Variants in COL5A1 observed in about 807,000 individuals in gnomAD.
COL5A1 encodes collagen alpha-1(V) chain.
Under a neutral mutation model 263.7 loss-of-function variants are expected in COL5A1, and 16 were observed. The observed-to-expected ratio is 0.06, with a 90% CI of 0.04 to 0.09. COL5A1 has a LOEUF of 0.09. Ranked by LOEUF, COL5A1 falls within the 10% of genes least tolerant of loss-of-function variation. The pLI, the probability that COL5A1 is intolerant of heterozygous loss-of-function variation, is 1.00. For synonymous variants in COL5A1, 1,012 were observed against 1,004.5 expected, an observed-to-expected ratio of 1.01 and a Z score of -0.14; for missense variants, 2,036 against 2,540.5, an observed-to-expected ratio of 0.80 and a Z score of 4.27.
At chr9:134,792,791 GTGTGCATGTGTGCGTGCA>G (rs796824652) in intron 32 of COL5A1, among the ~76,000 whole-genome samples, 7,200 of 151,780 alleles carry the variant, frequency 0.047, 240 homozygotes, top group African/African-American at 0.099. Context: ...ACATATGTGT[GTGTGCATGTGTGCGTGCA>G]TGTGTGTGCA....
chr9:134,729,074 C>T (rs1266264560), intron 6 of COL5A1, among the ~76,000 whole-genome samples: 2 of 152,210 alleles, frequency 1.3e-5, no homozygotes, highest in African/African-American at 2.4e-5. Context: ...TGGCCCCGGT[C>T]CCCACCCTGT....
At position 134,701,277 on chromosome 9, in the gene COL5A1, G is replaced by A. The variant is rs142890619; in HGVS notation, c.598G>A (p.Asp200Asn). 928 of 1,613,938 alleles carry A rather than the reference G, an allele frequency of 5.7e-4. No homozygotes were observed. Among genetic ancestry groups the A allele is most frequent in the Non-Finnish European group, 7.3e-4 (861 of 1,180,012 alleles). ...FLDRSDHPMI[D>N]INGIIVFGTR... is the part of the protein sequence containing the mutation. ...CGACCGCAGCGACCACCCCATGATCGACATCAATGGCATCATCGTGTTTGG... is the reference window on the plus strand; with the variant it reads ...CGACCGCAGCGACCACCCCATGATCAACATCAATGGCATCATCGTGTTTGG... Residue 200 changes from aspartate (D) to asparagine (N), a missense_variant, in exon 4 of 66, where the codon GAC becomes AAC. Coordinates refer to ENST00000371817, the MANE Select transcript of COL5A1 (RefSeq NM_000093.5).
At chr9:134,646,960 T>C (rs1012665878) in intron 1 of COL5A1, among the ~76,000 whole-genome samples, 3 of 152,200 alleles carry the variant, frequency 2.0e-5, no homozygotes, top group African/African-American at 7.2e-5. Context: ...CATTTCTTGC[T>C]TTGAGGCATG....
At position 134,798,525 on chromosome 9, in the gene COL5A1, C is replaced by T. The variant is rs981203424; in HGVS notation, c.2952+64C>T. ...TCTCTGACCACCCTGCACGTGGGCA[C>T]AGCCCTCGCTGCCCAGCGCCATCTA... On this transcript the variant is annotated intron_variant, in intron 37 of 65. Transcript: ENST00000371817. 1.5e-5 allele frequency: 23 copies of T among 1,501,850 alleles called. No individual in the cohort carries two copies. In the Admixed American group the frequency reaches 3.5e-4, roughly 23 times the overall value. The allele number at this position is 1,501,850 out of a possible 1,614,324, so 93.0% of individuals were successfully genotyped here. A position where few individuals can be genotyped will look rare whatever the true frequency, so the allele number is the denominator to read the frequency against.
intron 4 of COL5A1, among the ~76,000 whole-genome samples, chr9:134,704,438 G>T (rs1016065011): frequency 2.0e-5 from 3 of 152,214 alleles, no homozygotes; most frequent in African/African-American, 7.2e-5. Flanking sequence ...AATGGCTCTT[G>T]AATGGAGGAG....
At chr9:134,813,772 A>C (rs1588580486) in intron 48 of COL5A1, among the ~76,000 whole-genome samples, 1 of 152,014 alleles carries the variant, frequency 6.6e-6, no homozygotes, top group Admixed American at 6.5e-5. Flanking sequence ...CAGTCTGGAC[A>C]CTCTGCCCTG....
At chr9:134,697,127 C>A (rs1205010203) in intron 2 of COL5A1, among the ~76,000 whole-genome samples, 1 of 151,950 alleles carries the variant, frequency 6.6e-6, no homozygotes, top group African/African-American at 2.4e-5. Context: ...TCAACTGTGA[C>A]TTTTCTTGGA....
intron 4 of COL5A1, among the ~76,000 whole-genome samples, chr9:134,715,589 C>T (rs1003316205): frequency 3.3e-5 from 5 of 152,184 alleles, no homozygotes; most frequent in Admixed American, 6.5e-5. Flanking sequence ...GAGGTCCCCG[C>T]GGCCTTCTGC....
At chr9:134,800,749 C>CAAACAAAAAAA (rs769056148) in intron 37 of COL5A1, among the ~76,000 whole-genome samples, 1 of 81,602 alleles carries the variant, frequency 1.2e-5, no homozygotes, top group Admixed American at 1.6e-4. Context: ...CTGTCTCAAA[C>CAAACAAAAAAA]AAAAAAAAAA....
chr9:134,784,965 C>T, intron 29 of COL5A1, 24 bp from the exon 30 acceptor site: 2 of 1,464,330 alleles, frequency 1.4e-6, no homozygotes, highest in East Asian at 2.3e-5. Context: ...GTGGTCTTCT[C>T]ACCTCCTCTT....
chr9:134,771,347 G>C (rs145772805), intron 25 of COL5A1, among the ~76,000 whole-genome samples: 309 of 152,370 alleles, frequency 2.0e-3, no homozygotes, highest in African/African-American at 7.0e-3. Flanking sequence ...TTCAGGTCCA[G>C]CCCGGCCACT....
At position 134,731,636 on chromosome 9, in the gene COL5A1, G is replaced by A. The variant is rs1226846591; in HGVS notation, c.1305G>A (p.Pro435=). 8 of 1,613,798 alleles carry A rather than the reference G, an allele frequency of 5.0e-6. No homozygotes were observed. Among genetic ancestry groups the A allele is most frequent in the African/African-American group, 2.7e-5 (2 of 74,896 alleles). The change falls in exon 8 of 66, where the codon CCG becomes CCA. Residue 435 remains proline (P), a synonymous_variant. Coordinates refer to ENST00000371817, the MANE Select transcript of COL5A1 (RefSeq NM_000093.5). Reference sequence around the variant, plus strand: ...CGTCGGAGATCGGGCCGGGAATGCCGGCGAACCAGGATACCATCTATGAAG... The same window carrying A: ...CGTCGGAGATCGGGCCGGGAATGCCAGCGAACCAGGATACCATCTATGAAG... ...SSPSEIGPGM[P]ANQDTIYEGI...
intron 11 of COL5A1, among the ~76,000 whole-genome samples, chr9:134,744,575 G>A (rs1048481342): frequency 2.9e-5 from 4 of 140,162 alleles, no homozygotes; most frequent in Non-Finnish European, 4.6e-5. Flanking sequence ...ATACATGCAT[G>A]CACACACACT....
At position 134,824,681 on chromosome 9, in the gene COL5A1, G is replaced by A; in HGVS notation, c.4780G>A (p.Asp1594Asn). ...RRNIDASQLL[D>N]DGNGENYVDY... is the part of the protein sequence containing the mutation. ...GAACATCGACGCCAGCCAGCTGCTG[G>A]ACGACGGGAATGGCGAGAACTACGT... The change falls in exon 62 of 66, where the codon GAC (aspartate) becomes AAC (asparagine). Residue 1594 changes from aspartate (D) to asparagine (N), a missense_variant. Transcript: ENST00000371817. 1 of 1,614,228 alleles carries A rather than the reference G, an allele frequency of 6.2e-7. No homozygotes were observed.
At chr9:134,784,552 C>T (rs563287301) in intron 29 of COL5A1, among the ~76,000 whole-genome samples, 9 of 152,218 alleles carry the variant, frequency 5.9e-5, no homozygotes, top group Non-Finnish European at 8.8e-5. Context: ...CTGCCCCATC[C>T]GGGGCTGGGG....
rs773819319 is a variant in COL5A1 at position 134,785,989 on chromosome 9, C to A, written c.2593-6C>A. On this transcript the variant is annotated splice_polypyrimidine_tract_variant and splice_region_variant and intron_variant, in intron 30 of 65. Transcript: ENST00000371817. The stretch of plus-strand genomic sequence containing the variant: ...TGGCCATTAATGCAACTCTTTCTTC[C>A]CCCAGGGAAAACTCGGAGTCCCAGG... 1 of 1,612,830 alleles carries A rather than the reference C, an allele frequency of 6.2e-7. No homozygotes were observed. The highest frequency in any genetic ancestry group is 8.5e-7 in the Non-Finnish European group (1 of 1,179,334).
chr9:134,809,165 A>G lies in COL5A1; in HGVS notation c.3367-18A>G. On this transcript the variant is annotated intron_variant, in intron 42 of 65. Transcript: ENST00000371817. Reference sequence around the variant, plus strand: ...AGGTTGGAGCCACGTTTGACCTGAGATCTTCTGTATTCTCTAGGGCGAGAA... The same window carrying G: ...AGGTTGGAGCCACGTTTGACCTGAGGTCTTCTGTATTCTCTAGGGCGAGAA... 2 of 1,557,956 alleles carry G rather than the reference A, an allele frequency of 1.3e-6. No individual in the cohort carries two copies. Among genetic ancestry groups the G allele is most frequent in the Admixed American group, 1.9e-5 (1 of 52,418 alleles).
At chr9:134,822,348 C>T (rs1470428976) in intron 59 of COL5A1, among the ~76,000 whole-genome samples, 198 bp downstream of exon 59, 1 of 152,192 alleles carries the variant, frequency 6.6e-6, no homozygotes, top group Admixed American at 6.5e-5. Context: ...GTTGCCCGGC[C>T]ATGGTTTTTG....
intron 19 of COL5A1, 42 bp from the exon 20 acceptor site, chr9:134,763,651 A>C: frequency 6.2e-7 from 1 of 1,605,402 alleles, no homozygotes. Flanking sequence ...TGTCCAGGCT[A>C]ACAGCTCATT....
Sources: gnomAD v4.1 joint callset for allele counts (sites outside exome capture counted in the v4.1 genomes callset) on GRCh38, gnomAD v4.1.1 for gene constraint, MANE v1.5 for transcripts, NCBI Gene and HGNC (gene_info 2026-07-23, HGNC 2026-07-21) for gene names.